COMMD6: variants seen among roughly 807,000 people sequenced by gnomAD.
The protein encoded by COMMD6 is COMM domain containing 6.
In COMMD6, 11 loss-of-function variants were observed where a neutral mutation model predicts 13.4. The ratio of observed to expected loss-of-function variants is 0.82; its 90% confidence interval spans 0.52 to 1.36. COMMD6 has a LOEUF of 1.36. Ranked by LOEUF, COMMD6 falls within the 40% of genes most tolerant of loss-of-function variation. The pLI is 0.00. For missense variants in COMMD6, 124 were observed against 102.4 expected (o/e 1.21, Z -0.91); for synonymous variants, 43 against 36.5 (o/e 1.18, Z -0.64).
chr13:75,534,498 T>C (rs1045416318), intron 2 of COMMD6, among the ~76,000 whole-genome samples: 1 of 152,150 alleles, frequency 6.6e-6, no homozygotes, highest in African/African-American at 2.4e-5. Flanking sequence ...TCACCTTAAG[T>C]AGGAGTGAAC....
intron 3 of COMMD6, among the ~76,000 whole-genome samples, chr13:75,529,127 T>C (rs2138411525): frequency 6.6e-6 from 1 of 152,302 alleles, no homozygotes; most frequent in East Asian, 1.9e-4. Flanking sequence ...GTGCTAAGAA[T>C]AGATTCCTAC....
At chr13:75,549,344 G>A in exon 1 of COMMD6, 1 of 165,112 alleles carries the variant, frequency 6.1e-6, no homozygotes, top group Non-Finnish European at 1.3e-5. Context: ...GCGTCCTCCG[G>A]CCTTGCTGCC....
intron 1 of COMMD6, among the ~76,000 whole-genome samples, chr13:75,548,447 T>C (rs1039845787): frequency 3.3e-5 from 5 of 152,190 alleles, no homozygotes; most frequent in African/African-American, 1.2e-4. Context: ...CCCTAACTGC[T>C]CTCTACCTGA....
At chr13:75,537,312 G>T in intron 2 of COMMD6, 1 of 1,547,180 alleles carries the variant, frequency 6.5e-7, no homozygotes. Flanking sequence ...ATAACTTAGA[G>T]ACTAAGAAAA....
upstream of COMMD6, chr13:75,537,941 T>A: frequency 1.2e-6 from 1 of 811,882 alleles, no homozygotes; most frequent in Non-Finnish European, 1.9e-6. Context: ...CATCTTTATG[T>A]GACTCATATT....
intron 1 of COMMD6, among the ~76,000 whole-genome samples, chr13:75,548,337 A>G (rs1247815851): frequency 6.6e-6 from 1 of 152,206 alleles, no homozygotes; most frequent in African/African-American, 2.4e-5. Flanking sequence ...GTAATGAAAT[A>G]CCTCTGAAGT....
chr13:75,527,651 A>G, intron 3 of COMMD6, among the ~76,000 whole-genome samples: 1 of 152,206 alleles, frequency 6.6e-6, no homozygotes, highest in Admixed American at 6.5e-5. Context: ...ACATACACAC[A>G]CAATGGAATA....
intron 1 of COMMD6, among the ~76,000 whole-genome samples, chr13:75,544,926 C>CAAAAAAAAAAAAAAAAAAAAAAA (rs10708731): frequency 9.6e-6 from 1 of 104,546 alleles, no homozygotes; most frequent in African/African-American, 3.5e-5. Flanking sequence ...ACTCTGTCTC[C>CAAAAAAAAAAAAAAAAAAAAAAA]AAAAAAAAAA....
chr13:75,537,834 C>T lies in COMMD6; in HGVS notation c.-29G>A, dbSNP rs746031092. ...CAGCGTCTGGGACTTGCGGCCCGGA[C>T]TCGAGAGAACGCCCCCAGACCAGCG... On this transcript the variant is annotated 5_prime_UTR_variant, in exon 1 of 4. Transcript: ENST00000682242. 1.3e-6 allele frequency: 2 copies of T among 1,574,854 alleles called. No homozygotes were observed. The highest frequency in any genetic ancestry group is 2.3e-5 in the South Asian group (2 of 85,796).
At chr13:75,536,688 C>T (rs2030674463) in intron 2 of COMMD6, among the ~76,000 whole-genome samples, 1 of 152,080 alleles carries the variant, frequency 6.6e-6, no homozygotes, top group African/African-American at 2.4e-5. Flanking sequence ...GGAACAAAGC[C>T]CTGCAGACAC....
upstream of COMMD6, among the ~76,000 whole-genome samples, chr13:75,540,344 C>CCACACACACA (rs59520333): frequency 2.4e-3 from 352 of 147,374 alleles, no homozygotes; most frequent in East Asian, 0.012. Context: ...ACACACACAC[C>CCACACACACA]CACACACACA....
chr13:75,539,151 C>T (rs965468805), upstream of COMMD6, among the ~76,000 whole-genome samples: 1 of 152,054 alleles, frequency 6.6e-6, no homozygotes, highest in African/African-American at 2.4e-5. Context: ...TGCCACATCT[C>T]TCTGACTCTA....
chr13:75,539,086 T>C (rs1730442259), upstream of COMMD6, among the ~76,000 whole-genome samples: 1 of 152,176 alleles, frequency 6.6e-6, no homozygotes, highest in Non-Finnish European at 1.5e-5. Flanking sequence ...CCTCACACTT[T>C]AAATCTCTCT....
chr13:75,545,663 G>A (rs1436850830), intron 1 of COMMD6, among the ~76,000 whole-genome samples: 1 of 151,984 alleles, frequency 6.6e-6, no homozygotes, highest in African/African-American at 2.4e-5. Flanking sequence ...AGTAGAGACC[G>A]GGTTTCACCA....
At position 75,526,187 on chromosome 13, in the gene COMMD6, C is replaced by G. The variant is rs538534150; in HGVS notation, c.*402G>C. The G allele has an allele frequency of 3.7e-4, 57 of 153,446 alleles. No individual in the cohort carries two copies. Among genetic ancestry groups the G allele is most frequent in the Non-Finnish European group, 6.7e-4 (46 of 68,876 alleles). The allele number at this position is 153,446 out of a possible 1,614,324, so 9.5% of individuals were successfully genotyped here. On this transcript the variant is annotated 3_prime_UTR_variant, in exon 4 of 4. Coordinates refer to ENST00000682242, the MANE Select transcript of COMMD6 (RefSeq NM_203495.4). Reference sequence around the variant, plus strand: ...GTAAAGTTATCCTAATCAAATACTACTTTTCTAATTTATATATATTTTTAT... The same window carrying G: ...GTAAAGTTATCCTAATCAAATACTAGTTTTCTAATTTATATATATTTTTAT...
chr13:75,540,812 C>A (rs1284969790), upstream of COMMD6, among the ~76,000 whole-genome samples: 1 of 152,170 alleles, frequency 6.6e-6, no homozygotes, highest in Non-Finnish European at 1.5e-5. Context: ...AAGCCTAGTA[C>A]TATCACATGC....
At position 75,547,416 on chromosome 13, in the gene COMMD6, A is replaced by T. The variant is rs577038130; in HGVS notation, n.106+1907T>A. On this transcript the variant is annotated intron_variant and non_coding_transcript_variant, in intron 1 of 2. Coordinates refer to the COMMD6 transcript ENST00000460675. Reference sequence around the variant, plus strand: ...AATTTTAGCAAGTAGGCAGGTTCAAAATGCAAAACCCATAAATAATGAGGA... The same window carrying T: ...AATTTTAGCAAGTAGGCAGGTTCAATATGCAAAACCCATAAATAATGAGGA... Among the ~76,000 whole-genome samples the T allele has an allele frequency of 7.2e-5, 11 of 152,350 alleles. No individual in the cohort carries two copies. In the South Asian group the frequency reaches 1.2e-3, roughly 17 times the overall value.
chr13:75,546,492 T>C (rs1413571337), intron 1 of COMMD6, among the ~76,000 whole-genome samples: 1 of 152,230 alleles, frequency 6.6e-6, no homozygotes, highest in Non-Finnish European at 1.5e-5. Context: ...AGTACTCTTG[T>C]TAAGGCATCA....
chr13:75,529,918 C>A, intron 3 of COMMD6, 196 bp downstream of exon 3: 1 of 537,054 alleles, frequency 1.9e-6, no homozygotes, highest in Non-Finnish European at 3.3e-6. Flanking sequence ...AACTTCAGCA[C>A]ATTATATTGA....
Sources: allele counts gnomAD v4.1 joint callset (sites outside exome capture counted in the v4.1 genomes callset), GRCh38; gene constraint gnomAD v4.1.1; transcripts MANE v1.5; gene names NCBI Gene and HGNC (gene_info 2026-07-23, HGNC 2026-07-21).